The following PIP5K1B variants were observed in gnomAD, a reference collection of about 807,000 sequenced individuals.
PIP5K1B encodes phosphatidylinositol-4-phosphate 5-kinase type 1 beta.
A neutral mutation model predicts 67.0 loss-of-function variants in PIP5K1B; 42 were observed. The observed-to-expected ratio is 0.63, with a 90% CI of 0.49 to 0.81. The LOEUF (loss-of-function observed/expected upper bound fraction) is 0.81. PIP5K1B is among the 30% of genes least tolerant of loss of function. The pLI is 0.00. For missense variants in PIP5K1B, 459 were observed against 646.3 expected, an observed-to-expected ratio of 0.71 and a Z score of 3.14; for synonymous variants, 214 against 231.4, an observed-to-expected ratio of 0.92 and a Z score of 0.68.
intron 4 of PIP5K1B, among the ~76,000 whole-genome samples, chr9:68,826,903 C>T (rs938349146): frequency 6.7e-6 from 1 of 149,446 alleles, no homozygotes; most frequent in East Asian, 2.0e-4. Context: ...AGGTGCATGC[C>T]GCCACGCCTG....
chr9:68,912,180 C>T (rs1407577841), intron 8 of PIP5K1B, among the ~76,000 whole-genome samples: 1 of 152,178 alleles, frequency 6.6e-6, no homozygotes, highest in Non-Finnish European at 1.5e-5. Context: ...ATTTTTCCCT[C>T]CAGGCCTTAT....
chr9:68,970,747 C>T (rs531562933), intron 14 of PIP5K1B, among the ~76,000 whole-genome samples: 2 of 152,316 alleles, frequency 1.3e-5, no homozygotes, highest in African/African-American at 4.8e-5. Context: ...GCACCCCCTG[C>T]GATTTTTCTG....
At chr9:68,922,005 G>A (rs1201807772) in intron 11 of PIP5K1B, among the ~76,000 whole-genome samples, 1 of 152,044 alleles carries the variant, frequency 6.6e-6, no homozygotes, top group Non-Finnish European at 1.5e-5. Flanking sequence ...ATGCCAAAGC[G>A]AACAACAATG....
At chr9:68,986,762 T>A (rs1236978264) in intron 14 of PIP5K1B, among the ~76,000 whole-genome samples, 2 of 152,214 alleles carry the variant, frequency 1.3e-5, no homozygotes, top group South Asian at 2.1e-4. Flanking sequence ...TTTTGTATGT[T>A]AATTTTGTCT....
At chr9:68,850,190 G>T (rs1822410593) in intron 4 of PIP5K1B, among the ~76,000 whole-genome samples, 1 of 152,168 alleles carries the variant, frequency 6.6e-6, no homozygotes, top group African/African-American at 2.4e-5. Flanking sequence ...CATCACATCT[G>T]TACACAGCAC....
intron 4 of PIP5K1B, among the ~76,000 whole-genome samples, chr9:68,861,988 A>G (rs762216420): frequency 1.1e-4 from 16 of 152,134 alleles, no homozygotes; most frequent in Non-Finnish European, 2.4e-4. Flanking sequence ...CTTAAATAAA[A>G]GGGCATGTGA....
At chr9:68,807,492 C>G (rs1390180954) in intron 2 of PIP5K1B, among the ~76,000 whole-genome samples, 3 of 152,184 alleles carry the variant, frequency 2.0e-5, no homozygotes, top group African/African-American at 7.2e-5. Flanking sequence ...TTTCAGACTT[C>G]CCCACAGGCA....
intron 1 of PIP5K1B, among the ~76,000 whole-genome samples, chr9:68,724,931 T>C (rs1828080233): frequency 6.6e-6 from 1 of 152,196 alleles, no homozygotes; most frequent in Non-Finnish European, 1.5e-5. Flanking sequence ...CAGGTTTATA[T>C]CAGTTGATGT....
intron 2 of PIP5K1B, among the ~76,000 whole-genome samples, chr9:68,745,657 A>G (rs1829258938): frequency 6.6e-6 from 1 of 152,080 alleles, no homozygotes; most frequent in African/African-American, 2.4e-5. Context: ...CTCCACCTGA[A>G]TCTTCCATCC....
chr9:68,996,843 G>A (rs2132995322), intron 15 of PIP5K1B, among the ~76,000 whole-genome samples: 1 of 152,318 alleles, frequency 6.6e-6, no homozygotes, highest in African/African-American at 2.4e-5. Context: ...AAGTTTGAAA[G>A]ATGGCTGCCA....
chr9:68,985,221 A>G (rs1317688155), intron 14 of PIP5K1B, among the ~76,000 whole-genome samples: 1 of 150,760 alleles, frequency 6.6e-6, no homozygotes, highest in Non-Finnish European at 1.5e-5. Flanking sequence ...CTTTTCCTCA[A>G]TTTGGCAATA....
intron 2 of PIP5K1B, among the ~76,000 whole-genome samples, chr9:68,756,857 AATGAT>A (rs1357297211): frequency 6.6e-6 from 1 of 151,828 alleles, no homozygotes; most frequent in Non-Finnish European, 1.5e-5. Context: ...AACTAATCTT[AATGAT>A]ATATTTTATG....
intron 4 of PIP5K1B, among the ~76,000 whole-genome samples, chr9:68,825,624 T>C (rs972250129): frequency 1.3e-5 from 2 of 152,224 alleles, no homozygotes; most frequent in African/African-American, 4.8e-5. Context: ...TGACCCATTG[T>C]GTTTTTGCAT....
intron 2 of PIP5K1B, chr9:68,784,008 CCTTT>C (rs2132470083): frequency 6.0e-6 from 1 of 167,238 alleles, no homozygotes; most frequent in Non-Finnish European, 1.5e-5. Flanking sequence ...CACTGGCTTG[CCTTT>C]CTTTTCCTTA....
At chr9:68,998,288 C>T (rs1224041626) in intron 15 of PIP5K1B, among the ~76,000 whole-genome samples, 2 of 152,172 alleles carry the variant, frequency 1.3e-5, no homozygotes, top group Non-Finnish European at 2.9e-5. Flanking sequence ...AATTCGACCT[C>T]AAGCGATCCG....
intron 13 of PIP5K1B, among the ~76,000 whole-genome samples, chr9:68,937,280 A>G (rs1827315191): frequency 6.6e-6 from 1 of 152,068 alleles, no homozygotes; most frequent in African/African-American, 2.4e-5. Flanking sequence ...TACTGCCTCA[A>G]TTTCAGAACT....
At chr9:68,911,852 A>G (rs974505836) in intron 8 of PIP5K1B, among the ~76,000 whole-genome samples, 1 of 152,226 alleles carries the variant, frequency 6.6e-6, no homozygotes. Context: ...CACTGCCTCC[A>G]GCCTGGGTGA....
intron 2 of PIP5K1B, among the ~76,000 whole-genome samples, chr9:68,744,314 G>C (rs1829165762): frequency 6.6e-6 from 1 of 152,144 alleles, no homozygotes; most frequent in South Asian, 2.1e-4. Context: ...GGTTTCATGG[G>C]AGGCCACGAA....
At chr9:68,774,153 GTAAC>G (rs1231539023) in intron 2 of PIP5K1B, among the ~76,000 whole-genome samples, 3 of 152,142 alleles carry the variant, frequency 2.0e-5, no homozygotes, top group Non-Finnish European at 4.4e-5. Flanking sequence ...TTTCTTAGAA[GTAAC>G]TAACTTTAAG....
Sources: allele counts gnomAD v4.1 joint callset (sites outside exome capture counted in the v4.1 genomes callset), GRCh38; gene constraint gnomAD v4.1.1; transcripts MANE v1.5; gene names NCBI Gene and HGNC (gene_info 2026-07-23, HGNC 2026-07-21).